Variants in RFX3 observed in about 807,000 individuals in gnomAD.
RFX3 encodes transcription factor RFX3.
RFX3 carries 14 observed loss-of-function variants against 98.6 expected under a neutral mutation model. That is an observed-to-expected ratio of 0.14 (90% confidence interval 0.09 to 0.22). The LOEUF is 0.22. Among genes scored for constraint, RFX3 ranks in the 10% least tolerant of loss-of-function variants. RFX3 has a pLI of 1.00. For missense variants in RFX3, 639 were observed against 926.9 expected, an observed-to-expected ratio of 0.69 and a Z score of 4.03; for synonymous variants, 383 against 328.4, an observed-to-expected ratio of 1.17 and a Z score of -1.80.
intron 4 of RFX3, among the ~76,000 whole-genome samples, chr9:3,316,562 A>G (rs961814755): frequency 1.3e-5 from 2 of 152,350 alleles, no homozygotes; most frequent in South Asian, 4.1e-4. Context: ...AGAGTATTCA[A>G]TTAGGAAAAG....
Position 3,389,736 on chromosome 9 carries a change from A to G in RFX3, c.117+5736T>C, listed in dbSNP as rs1361139504. Among the ~76,000 whole-genome samples the G allele has an allele frequency of 3.3e-5, 5 of 152,262 alleles. No individual in the cohort carries two copies. The East Asian group carries it at 9.6e-4, about 29-fold the overall frequency. On this transcript the variant is annotated intron_variant, in intron 2 of 16. Coordinates refer to ENST00000617270, the MANE Select transcript of RFX3 (RefSeq NM_001282116.2). ...CCTTCAGGCTATGTGTATAAGGTAT[A>G]TATAAAAAAACATATATTTCATGTT...
Position 3,462,824 on chromosome 9 carries a change from A to G in RFX3, c.-9+62923T>C, listed in dbSNP as rs183891933. Among the ~76,000 whole-genome samples, 708 of 152,206 alleles carry G rather than the reference A, an allele frequency of 4.7e-3. 3 individuals carry two copies. Among genetic ancestry groups the G allele is most frequent in the Middle Eastern group, 6.8e-3 (2 of 294 alleles). Reference sequence around the variant, plus strand: ...AATAGCATGTGATGTCACTTATAATAGTATTAAATATATAATGGGAATAAA... The same window carrying G: ...AATAGCATGTGATGTCACTTATAATGGTATTAAATATATAATGGGAATAAA... On this transcript the variant is annotated intron_variant, in intron 1 of 16. Coordinates refer to ENST00000617270, the MANE Select transcript of RFX3 (RefSeq NM_001282116.2).
chr9:3,301,134 C>T (rs1586943372), intron 5 of RFX3, among the ~76,000 whole-genome samples: 3 of 151,958 alleles, frequency 2.0e-5, no homozygotes, highest in South Asian at 4.1e-4. Context: ...CATTAATCAT[C>T]CTTTTTCTAC....
chr9:3,459,878 T>C (rs1346487394), intron 1 of RFX3, among the ~76,000 whole-genome samples: 1 of 152,076 alleles, frequency 6.6e-6, no homozygotes, highest in Non-Finnish European at 1.5e-5. Context: ...ATTTTGAAAG[T>C]ATTTTACCTA....
chr9:3,474,134 T>A (rs1849015545), intron 1 of RFX3, among the ~76,000 whole-genome samples: 1 of 152,138 alleles, frequency 6.6e-6, no homozygotes, highest in Non-Finnish European at 1.5e-5. Flanking sequence ...AATTTTTTAA[T>A]CTATATTAAA....
intron 1 of RFX3, among the ~76,000 whole-genome samples, chr9:3,426,646 A>C (rs1480734651): frequency 6.6e-6 from 1 of 152,054 alleles, no homozygotes; most frequent in East Asian, 1.9e-4. Flanking sequence ...TTCGATTCTC[A>C]TAGGAATGCA....
At chr9:3,366,752 T>TTCTTTCTTTCCTTTC (rs1403438793) in intron 2 of RFX3, among the ~76,000 whole-genome samples, 1 of 147,068 alleles carries the variant, frequency 6.8e-6, no homozygotes, top group African/African-American at 2.5e-5. Flanking sequence ...CTTTCTTTCT[T>TTCTTTCTTTCCTTTC]TTTGGCTATT....
At chr9:3,500,697 C>G (rs1484798366) in intron 1 of RFX3, among the ~76,000 whole-genome samples, 1 of 152,060 alleles carries the variant, frequency 6.6e-6, no homozygotes, top group East Asian at 1.9e-4. Flanking sequence ...CAAATAAGAA[C>G]AAATCATTCA....
At chr9:3,502,843 T>C (rs1816185632) in intron 1 of RFX3, among the ~76,000 whole-genome samples, 1 of 152,074 alleles carries the variant, frequency 6.6e-6, no homozygotes, top group Admixed American at 6.6e-5. Context: ...AATAATAAGA[T>C]AGGTGGGGAA....
chr9:3,397,240 G>T lies in RFX3; in HGVS notation c.-8-1644C>A, dbSNP rs976410913. On this transcript the variant is annotated intron_variant, in intron 1 of 16. Transcript: ENST00000617270. ...TTTACTACTTATGCATTCAATAAAAGAAATATGAATTTCCTTGCTATTGAG... is the reference window on the plus strand; with the variant it reads ...TTTACTACTTATGCATTCAATAAAATAAATATGAATTTCCTTGCTATTGAG... Among the ~76,000 whole-genome samples the T allele has an allele frequency of 3.3e-5, 5 of 152,134 alleles. No homozygotes were observed. The East Asian group carries it at 7.7e-4, about 23-fold the overall frequency.
At chr9:3,427,525 T>C (rs1238045502) in intron 1 of RFX3, among the ~76,000 whole-genome samples, 2 of 148,446 alleles carry the variant, frequency 1.3e-5, no homozygotes, top group Non-Finnish European at 3.0e-5. Context: ...ATATAAATAA[T>C]ACAATGCAGA....
chr9:3,352,713 A>T (rs145472651), intron 2 of RFX3, among the ~76,000 whole-genome samples: 10 of 152,212 alleles, frequency 6.6e-5, no homozygotes, highest in African/African-American at 2.4e-4. Context: ...TCATGTGACA[A>T]AAGGCATCAT....
At chr9:3,277,552 C>T (rs1825395538) in intron 7 of RFX3, 91 bp from the exon 8 acceptor site, 4 of 1,134,064 alleles carry the variant, frequency 3.5e-6, no homozygotes, top group Admixed American at 1.9e-5. Flanking sequence ...CAGTTTTATT[C>T]TATCTTCTTT....
intron 1 of RFX3, among the ~76,000 whole-genome samples, chr9:3,439,353 T>C (rs1234972018): frequency 1.3e-5 from 2 of 151,654 alleles, no homozygotes; most frequent in African/African-American, 4.8e-5. Flanking sequence ...AACAGAATAA[T>C]AGAAAAAAAT....
rs189770764 is a variant in RFX3, at chr9:3,402,929, C to A, written c.-8-7333G>T. ...TAACTCTAACAACAACAAAAAAACA[C>A]CTAAGGACATTAGGCATCTTCTAGA... is the stretch of plus-strand genomic sequence containing the variant. On this transcript the variant is annotated intron_variant, in intron 1 of 16. Coordinates refer to ENST00000617270, the MANE Select transcript of RFX3 (RefSeq NM_001282116.2). Among the ~76,000 whole-genome samples, 326 of 151,764 alleles carry A rather than the reference C, an allele frequency of 2.1e-3. 1 individual carries two copies. The highest frequency in any genetic ancestry group is 6.4e-3 in the Admixed American group (97 of 15,226).
intron 8 of RFX3, 57 bp from the exon 9 acceptor site, chr9:3,275,669 T>A: frequency 9.9e-7 from 1 of 1,014,930 alleles, no homozygotes; most frequent in Non-Finnish European, 1.5e-6. Flanking sequence ...CAATTACAGA[T>A]TAATGAGGGA....
intron 2 of RFX3, among the ~76,000 whole-genome samples, chr9:3,389,867 G>T (rs1167247630): frequency 6.6e-6 from 1 of 152,048 alleles, no homozygotes; most frequent in Non-Finnish European, 1.5e-5. Flanking sequence ...GGCATTTCAG[G>T]TAAGTAATAT....
chr9:3,272,714 T>G (rs1824662569), intron 9 of RFX3, among the ~76,000 whole-genome samples: 1 of 152,196 alleles, frequency 6.6e-6, no homozygotes, highest in South Asian at 2.1e-4. Context: ...CATAATACCT[T>G]ATATAGTTCT....
At chr9:3,417,883 T>C (rs562328583) in intron 1 of RFX3, among the ~76,000 whole-genome samples, 1 of 152,198 alleles carries the variant, frequency 6.6e-6, no homozygotes, top group Non-Finnish European at 1.5e-5. Context: ...AGGTTTATAA[T>C]AGCAAGTGTT....
Sources: gnomAD v4.1 joint callset for allele counts (sites outside exome capture counted in the v4.1 genomes callset) on GRCh38, gnomAD v4.1.1 for gene constraint, MANE v1.5 for transcripts, NCBI Gene and HGNC (gene_info 2026-07-23, HGNC 2026-07-21) for gene names.